Variants in DISC1 observed in about 807,000 individuals in gnomAD.
DISC1 encodes the protein DISC1 scaffold protein.
Under a neutral mutation model 84.5 loss-of-function variants are expected in DISC1, and 57 were observed. The observed-to-expected ratio is 0.67, with a 90% CI of 0.55 to 0.84. The LOEUF is 0.84. Among genes scored for constraint, DISC1 ranks in the 40% least tolerant of loss-of-function variants. The pLI is 0.00. For missense variants in DISC1, 1,000 were observed against 1,057.8 expected (o/e 0.95, Z 0.76); for synonymous variants, 411 against 415.2 (o/e 0.99, Z 0.12).
Position 231,808,865 on chromosome 1 carries a change from A to G in DISC1, c.1792+8655A>G, listed in dbSNP as rs2079983407. Among the ~76,000 whole-genome samples the G allele has an allele frequency of 2.0e-5, 3 of 152,240 alleles. No individual in the cohort carries two copies. The South Asian group carries it at 6.2e-4, about 31-fold the overall frequency. ...TCTTCAGATGGAAGGTGCAAAGGCAATATACACCACAGTAGGAAACAAATT... is the reference window on the plus strand; with the variant it reads ...TCTTCAGATGGAAGGTGCAAAGGCAGTATACACCACAGTAGGAAACAAATT... On this transcript the variant is annotated intron_variant, in intron 8 of 12. Coordinates refer to ENST00000439617, the MANE Select transcript of DISC1 (RefSeq NM_018662.3).
chr1:231,702,392 T>C (rs2066533840), intron 3 of DISC1: 1 of 1,006,814 alleles, frequency 9.9e-7, no homozygotes, highest in Non-Finnish European at 1.2e-6. Flanking sequence ...TGGGAGACAA[T>C]AGGAAAGTAA....
At chr1:231,909,266 C>T (rs940713685) in intron 9 of DISC1, among the ~76,000 whole-genome samples, 3 of 152,170 alleles carry the variant, frequency 2.0e-5, no homozygotes, top group Non-Finnish European at 2.9e-5. Context: ...AAAGGGAATG[C>T]TTCCAGTTTT....
At chr1:231,940,158 A>G (rs1007080700) in intron 9 of DISC1, among the ~76,000 whole-genome samples, 2 of 151,852 alleles carry the variant, frequency 1.3e-5, no homozygotes, top group Non-Finnish European at 2.9e-5. Flanking sequence ...CTGCTATTCT[A>G]TCTTGTCCTC....
At chr1:231,863,043 A>C (rs2084786437) in intron 9 of DISC1, among the ~76,000 whole-genome samples, 2 of 151,978 alleles carry the variant, frequency 1.3e-5, no homozygotes, top group South Asian at 4.1e-4. Context: ...CGGTCACCCC[A>C]TTTTGGTAAT....
At chr1:231,829,587 AGT>A (rs2082082733) in intron 9 of DISC1, among the ~76,000 whole-genome samples, 1 of 152,166 alleles carries the variant, frequency 6.6e-6, no homozygotes, top group Non-Finnish European at 1.5e-5. Flanking sequence ...CCTGGGCTCA[AGT>A]GATCCACCTG....
chr1:232,028,125 A>T (rs1669649475), intron 12 of DISC1, among the ~76,000 whole-genome samples: 1 of 152,172 alleles, frequency 6.6e-6, no homozygotes, highest in African/African-American at 2.4e-5. Flanking sequence ...TAGAATAAGG[A>T]TGGCGTTTTT....
chr1:231,730,063 T>TA (rs1274793442), intron 3 of DISC1, among the ~76,000 whole-genome samples: 1 of 152,250 alleles, frequency 6.6e-6, no homozygotes, highest in Non-Finnish European at 1.5e-5. Context: ...AGAGAGCCTG[T>TA]AGTTTTTGAG....
chr1:231,731,588 C>A (rs914846746), intron 3 of DISC1, among the ~76,000 whole-genome samples: 1 of 152,120 alleles, frequency 6.6e-6, no homozygotes, highest in Admixed American at 6.5e-5. Context: ...ACCTCTGTAT[C>A]ACTCTTAATA....
At chr1:231,789,767 C>T (rs1476291260) in intron 6 of DISC1, among the ~76,000 whole-genome samples, 3 of 152,212 alleles carry the variant, frequency 2.0e-5, no homozygotes, top group African/African-American at 7.2e-5. Flanking sequence ...ATTTGCCCTT[C>T]TAATTACGGC....
intron 3 of DISC1, among the ~76,000 whole-genome samples, chr1:231,707,438 A>C (rs937937944): frequency 6.6e-5 from 10 of 152,174 alleles, no homozygotes; most frequent in Admixed American, 5.2e-4. Flanking sequence ...TCTGCTTGCT[A>C]TATCACCTTG....
intron 1 of DISC1, among the ~76,000 whole-genome samples, chr1:231,689,651 T>C (rs2064747076): frequency 6.6e-6 from 1 of 152,240 alleles, no homozygotes; most frequent in Non-Finnish European, 1.5e-5. Context: ...GTATCATGTT[T>C]TCTTAAACTG....
chr1:231,761,573 G>A (rs902565854), intron 4 of DISC1, among the ~76,000 whole-genome samples: 1 of 152,148 alleles, frequency 6.6e-6, no homozygotes, highest in African/African-American at 2.4e-5. Flanking sequence ...TAATGAATGT[G>A]ATTAATGATA....
chr1:231,704,610 A>G (rs929230231), intron 3 of DISC1, among the ~76,000 whole-genome samples: 2 of 151,740 alleles, frequency 1.3e-5, no homozygotes, highest in Non-Finnish European at 2.9e-5. Flanking sequence ...CAAAAACAAA[A>G]TTAGCCGGGC....
intron 10 of DISC1, among the ~76,000 whole-genome samples, chr1:231,963,910 G>A (rs1463466307): frequency 3.3e-5 from 5 of 152,120 alleles, no homozygotes; most frequent in South Asian, 2.1e-4. Flanking sequence ...TAATTAGAAT[G>A]GAACAGAACA....
intron 9 of DISC1, among the ~76,000 whole-genome samples, chr1:231,832,449 G>A (rs1009806182): frequency 1.3e-5 from 2 of 152,100 alleles, no homozygotes; most frequent in African/African-American, 4.8e-5. Context: ...TTGAGGTTTG[G>A]GAGATTAGTC....
chr1:231,751,234 T>C (rs1424879913), intron 4 of DISC1, among the ~76,000 whole-genome samples: 1 of 152,238 alleles, frequency 6.6e-6, no homozygotes, highest in East Asian at 1.9e-4. Context: ...TGTAATTCTC[T>C]CATTCTTTTA....
At chr1:232,029,176 C>T (rs907488437) in intron 12 of DISC1, among the ~76,000 whole-genome samples, 1 of 152,164 alleles carries the variant, frequency 6.6e-6, no homozygotes, top group Non-Finnish European at 1.5e-5. Flanking sequence ...AGCGGAGAAG[C>T]ACTGGTTTAG....
At chr1:231,874,212 C>G (rs1017728752) in intron 9 of DISC1, among the ~76,000 whole-genome samples, 1 of 151,768 alleles carries the variant, frequency 6.6e-6, no homozygotes, top group Non-Finnish European at 1.5e-5. Flanking sequence ...GGCTGGAGTG[C>G]AGTGGCACGT....
intron 1 of DISC1, among the ~76,000 whole-genome samples, chr1:231,692,122 G>C (rs540950534): frequency 6.6e-6 from 1 of 152,344 alleles, no homozygotes; most frequent in South Asian, 2.1e-4. Flanking sequence ...TGATCCGGGA[G>C]TTCTGGGGCA....
Sources: gnomAD v4.1 joint callset for allele counts (sites outside exome capture counted in the v4.1 genomes callset) on GRCh38, gnomAD v4.1.1 for gene constraint, MANE v1.5 for transcripts, NCBI Gene and HGNC (gene_info 2026-07-23, HGNC 2026-07-21) for gene names.